Variants in PAX3 observed in about 807,000 individuals in gnomAD.
The protein encoded by PAX3 is paired box 3.
A neutral mutation model predicts 51.6 loss-of-function variants in PAX3; 14 were observed. The ratio of observed to expected loss-of-function variants is 0.27; its 90% CI spans 0.18 to 0.42. The LOEUF is 0.42. Ranked by LOEUF, PAX3 falls within the 10% of genes least tolerant of loss-of-function variation. PAX3 has a pLI of 1.00. For synonymous variants in PAX3, 280 were observed against 253.4 expected, an observed-to-expected ratio of 1.11 and a Z score of -1.00; for missense variants, 540 against 642.8, an observed-to-expected ratio of 0.84 and a Z score of 1.73.
chr2:222,217,608 A>T (rs138551355), intron 7 of PAX3, among the ~76,000 whole-genome samples: 1 of 84,996 alleles, frequency 1.2e-5, no homozygotes, highest in Non-Finnish European at 2.3e-5. Context: ...AATGGTAATC[A>T]TAACGCTATT....
intron 4 of PAX3, among the ~76,000 whole-genome samples, chr2:222,284,515 A>G (rs913611626): frequency 1.1e-4 from 16 of 152,236 alleles, no homozygotes; most frequent in Non-Finnish European, 7.3e-5. Context: ...TTTTATACCC[A>G]TTAAATCGAA....
rs1039433991 is a variant in PAX3 at position 222,250,379 on chromosome 2, T to C, written c.587-18096A>G. ...AAGATTTTAGCCAGCATGTATAATC[T>C]TTTTGTCCCTAAAAAATGATACTGC... is the stretch of plus-strand genomic sequence containing the variant. On this transcript the variant is annotated intron_variant, in intron 4 of 8. Coordinates refer to ENST00000392070, the MANE Select transcript of PAX3 (RefSeq NM_181458.4). Among the ~76,000 whole-genome samples, 3 of 152,200 alleles carry C rather than the reference T, an allele frequency of 2.0e-5. No homozygotes were observed. The East Asian group carries it at 5.8e-4, about 29-fold the overall frequency.
rs540629224 is a variant in PAX3, at chr2:222,290,497, T to G, written c.586+3670A>C. 2.6e-5 allele frequency among the ~76,000 whole-genome samples: 4 copies of G among 152,260 alleles called. No individual in the cohort carries two copies. The East Asian group carries it at 5.8e-4, about 22-fold the overall frequency. On this transcript the variant is annotated intron_variant, in intron 4 of 8. Coordinates refer to ENST00000392070, the MANE Select transcript of PAX3 (RefSeq NM_181458.4). ...CAAACCTCCCACGCTCACTTGTGATTTTAAAAGGGAGGAAAGTCTTATGAG... is the reference window on the plus strand; with the variant it reads ...CAAACCTCCCACGCTCACTTGTGATGTTAAAAGGGAGGAAAGTCTTATGAG...
At chr2:222,285,456 G>A (rs1694799109) in intron 4 of PAX3, among the ~76,000 whole-genome samples, 1 of 152,188 alleles carries the variant, frequency 6.6e-6, no homozygotes. Context: ...AAAAGGGTAG[G>A]GGGCGAAGAG....
At chr2:222,239,155 G>T (rs2106107291) in intron 4 of PAX3, among the ~76,000 whole-genome samples, 1 of 152,276 alleles carries the variant, frequency 6.6e-6, no homozygotes, top group Non-Finnish European at 1.5e-5. Flanking sequence ...GGAGGCTTTT[G>T]TTGGATCCCA....
At chr2:222,231,128 C>T (rs1692577521) in intron 5 of PAX3, among the ~76,000 whole-genome samples, 1 of 151,834 alleles carries the variant, frequency 6.6e-6, no homozygotes, top group South Asian at 2.1e-4. Flanking sequence ...CTGTAAAATT[C>T]TGTAATAGGA....
intron 4 of PAX3, chr2:222,263,105 T>A (rs1041940101): frequency 6.6e-6 from 1 of 152,138 alleles, no homozygotes; most frequent in Admixed American, 6.5e-5. Flanking sequence ...AATAAAAAAT[T>A]GACAAATTGG....
chr2:222,225,112 A>T (rs1044191466), intron 5 of PAX3, among the ~76,000 whole-genome samples: 3 of 152,230 alleles, frequency 2.0e-5, no homozygotes, highest in African/African-American at 7.2e-5. Flanking sequence ...CAAATTTGTC[A>T]GTAACCTACT....
chr2:222,222,479 A>G (rs375068000), intron 5 of PAX3, among the ~76,000 whole-genome samples: 13 of 151,270 alleles, frequency 8.6e-5, no homozygotes, highest in East Asian at 3.9e-4. Flanking sequence ...TCTCAGTTCA[A>G]CCCAACCTCC....
chr2:222,231,638 G>A (rs894000407), intron 5 of PAX3, among the ~76,000 whole-genome samples: 1 of 152,190 alleles, frequency 6.6e-6, no homozygotes, highest in African/African-American at 2.4e-5. Flanking sequence ...GCCACCTTGG[G>A]TAGTTACTTA....
intron 4 of PAX3, chr2:222,293,694 C>G (rs1335482023): frequency 2.5e-6 from 4 of 1,614,022 alleles, no homozygotes; most frequent in Non-Finnish European, 3.4e-6. Context: ...AGGGCCGTTG[C>G]CCAAAAGAGT....
At position 222,204,248 on chromosome 2, in the gene PAX3, T is replaced by C. The variant is rs540628360; in HGVS notation, c.1174-2058A>G. ...GAAAATCACTAGAATGTGGGTTCTTTTAGGGCCCTACCCAGCATTGTTTAT... is the reference window on the plus strand; with the variant it reads ...GAAAATCACTAGAATGTGGGTTCTTCTAGGGCCCTACCCAGCATTGTTTAT... On this transcript the variant is annotated intron_variant, in intron 7 of 8. Transcript: ENST00000392070. 5.9e-5 allele frequency among the ~76,000 whole-genome samples: 9 copies of C among 152,284 alleles called. No individual in the cohort carries two copies. The South Asian group carries it at 1.7e-3, about 28-fold the overall frequency.
intron 4 of PAX3, among the ~76,000 whole-genome samples, chr2:222,260,436 A>G (rs1693800724): frequency 6.6e-6 from 1 of 150,946 alleles, no homozygotes; most frequent in Non-Finnish European, 1.5e-5. Flanking sequence ...TTACTGTGCT[A>G]TTTTTCTATT....
At position 222,256,016 on chromosome 2, in the gene PAX3, G is replaced by A. The variant is rs1292749401; in HGVS notation, c.587-23733C>T. On this transcript the variant is annotated intron_variant, in intron 4 of 8. Coordinates refer to ENST00000392070, the MANE Select transcript of PAX3 (RefSeq NM_181458.4). Reference sequence around the variant, plus strand: ...GATTTCCTGACCTCGTGATCTGCCCGCTTTGCCCTCCCATGGTGCTGGGAT... The same window carrying A: ...GATTTCCTGACCTCGTGATCTGCCCACTTTGCCCTCCCATGGTGCTGGGAT... Among the ~76,000 whole-genome samples, 3 of 145,068 alleles carry A rather than the reference G, an allele frequency of 2.1e-5. No homozygotes were observed. In the East Asian group the frequency reaches 6.2e-4, roughly 30 times the overall value.
chr2:222,220,010 G>T, intron 7 of PAX3, 130 bp downstream of exon 7: 2 of 809,946 alleles, frequency 2.5e-6, no homozygotes, highest in Admixed American at 2.2e-5. Flanking sequence ...CCAGAAAACT[G>T]AAATCATGTG....
intron 4 of PAX3, among the ~76,000 whole-genome samples, chr2:222,257,848 C>T (rs370826696): frequency 1.8e-4 from 27 of 152,346 alleles, no homozygotes; most frequent in South Asian, 4.1e-4. Flanking sequence ...GTCACCCCCA[C>T]GCTGCTGACT....
intron 4 of PAX3, among the ~76,000 whole-genome samples, chr2:222,291,174 G>A (rs1256365852): frequency 6.6e-6 from 1 of 152,178 alleles, no homozygotes; most frequent in Non-Finnish European, 1.5e-5. Flanking sequence ...CGCCCATTGA[G>A]CGGCCGCTGC....
intron 4 of PAX3, among the ~76,000 whole-genome samples, chr2:222,266,226 C>G (rs1694051059): frequency 6.6e-6 from 1 of 152,184 alleles, no homozygotes; most frequent in Admixed American, 6.5e-5. Context: ...AAACCCTCAG[C>G]ACACTCAGGA....
At chr2:222,221,943 G>C in intron 5 of PAX3, among the ~76,000 whole-genome samples, 1 of 151,844 alleles carries the variant, frequency 6.6e-6, no homozygotes, top group Non-Finnish European at 1.5e-5. Flanking sequence ...ACATTGCACT[G>C]ATCTCGGTGG....
Sources: allele counts gnomAD v4.1 joint callset (sites outside exome capture counted in the v4.1 genomes callset), GRCh38; gene constraint gnomAD v4.1.1; transcripts MANE v1.5; gene names NCBI Gene and HGNC (gene_info 2026-07-23, HGNC 2026-07-21).